PRKG1: variants seen among roughly 807,000 people sequenced by gnomAD.
PRKG1 encodes cGMP-dependent protein kinase 1.
Under a neutral mutation model 88.1 loss-of-function variants are expected in PRKG1, and 35 were observed. The ratio of observed to expected loss-of-function variants is 0.40; its 90% confidence interval spans 0.30 to 0.53. The LOEUF (loss-of-function observed/expected upper bound fraction) is 0.53, where lower values mean the gene tolerates loss of function less well. Ranked by LOEUF, PRKG1 falls within the 20% of genes least tolerant of loss-of-function variation. The pLI, the probability that PRKG1 is intolerant of heterozygous loss-of-function variation, is 0.59. For missense variants in PRKG1, 540 were observed against 839.8 expected (o/e 0.64, Z 4.41); for synonymous variants, 303 against 292.5 (o/e 1.04, Z -0.37).
intron 4 of PRKG1, among the ~76,000 whole-genome samples, chr10:51,844,257 G>T (rs1384510445): frequency 6.6e-6 from 1 of 152,084 alleles, no homozygotes; most frequent in Non-Finnish European, 1.5e-5. Context: ...CGTACTTGAT[G>T]ACTTTAAGGT....
At chr10:51,752,982 T>C (rs1837765155) in intron 3 of PRKG1, among the ~76,000 whole-genome samples, 1 of 152,148 alleles carries the variant, frequency 6.6e-6, no homozygotes, top group Non-Finnish European at 1.5e-5. Context: ...TGTAAAACAC[T>C]AATGTTAAGA....
chr10:52,091,793 A>G (rs1295299488), intron 7 of PRKG1, among the ~76,000 whole-genome samples: 3 of 152,232 alleles, frequency 2.0e-5, no homozygotes, highest in African/African-American at 2.4e-5. Flanking sequence ...CAAAGCATGC[A>G]TTAAAGTGGT....
intron 2 of PRKG1, among the ~76,000 whole-genome samples, chr10:51,243,340 C>A (rs918268217): frequency 6.6e-5 from 10 of 152,134 alleles, no homozygotes; most frequent in Admixed American, 5.9e-4. Context: ...CCACCACTGG[C>A]CTAATGGGAA....
Position 51,100,145 on chromosome 10 carries a change from C to T in PRKG1, c.311+25244C>T, listed in dbSNP as rs567693185. 2.4e-4 allele frequency among the ~76,000 whole-genome samples: 37 copies of T among 152,224 alleles called. 1 individual carries two copies. In the South Asian group the frequency reaches 6.2e-3, roughly 26 times the overall value. Reference sequence around the variant, plus strand: ...CTGGCATTAAGTAGTCCTCCTGCCTCGGCCTCCCAAAGTGCTGTGATTACA... The same window carrying T: ...CTGGCATTAAGTAGTCCTCCTGCCTTGGCCTCCCAAAGTGCTGTGATTACA... On this transcript the variant is annotated intron_variant, in intron 1 of 17. Transcript: ENST00000373980.
rs61849737 is a variant in PRKG1 at position 51,172,664 on chromosome 10, C to G, written c.478+19334C>G. 6.9e-3 allele frequency among the ~76,000 whole-genome samples: 372 copies of G among 53,900 alleles called. 4 individuals carry two copies. Among genetic ancestry groups the G allele is most frequent in the African/African-American group, 0.023 (318 of 13,908 alleles). 35.4% of individuals were successfully genotyped at this position (53,900 alleles called of 152,430 possible). A position where few individuals can be genotyped will look rare whatever the true frequency, so the allele number is the denominator to read the frequency against. ...TGTATGTATGTATCTATCTATCTAT[C>G]TATCTATCTATCTATCTATCTATCT... On this transcript the variant is annotated intron_variant, in intron 2 of 17. Transcript: ENST00000373980.
At chr10:51,862,652 A>G (rs1411290641) in intron 4 of PRKG1, among the ~76,000 whole-genome samples, 7 of 152,028 alleles carry the variant, frequency 4.6e-5, no homozygotes, top group Non-Finnish European at 1.0e-4. Context: ...GGCATCGAGA[A>G]AGGTCCCTGG....
chr10:51,091,528 A>C (rs1197665958), intron 1 of PRKG1, among the ~76,000 whole-genome samples: 1 of 152,198 alleles, frequency 6.6e-6, no homozygotes, highest in Non-Finnish European at 1.5e-5. Context: ...TGGCTTATTC[A>C]ATGAAGTTTA....
chr10:52,015,567 A>G (rs1427377807), intron 5 of PRKG1, among the ~76,000 whole-genome samples: 5 of 152,206 alleles, frequency 3.3e-5, no homozygotes, highest in Non-Finnish European at 7.3e-5. Context: ...TTGGCTCCTC[A>G]TTACTTATGT....
At chr10:51,775,710 G>A (rs961148199) in intron 3 of PRKG1, among the ~76,000 whole-genome samples, 1 of 151,848 alleles carries the variant, frequency 6.6e-6, no homozygotes, top group Non-Finnish European at 1.5e-5. Flanking sequence ...TCAGCCTCCT[G>A]AGTAGCTATG....
At chr10:51,903,740 G>A (rs1314080492) in intron 4 of PRKG1, among the ~76,000 whole-genome samples, 1 of 152,040 alleles carries the variant, frequency 6.6e-6, no homozygotes, top group Non-Finnish European at 1.5e-5. Context: ...AAAGAGTAAA[G>A]TGTTGTTTTG....
At chr10:52,057,753 G>T in intron 6 of PRKG1, among the ~76,000 whole-genome samples, 1 of 152,124 alleles carries the variant, frequency 6.6e-6, no homozygotes, top group South Asian at 2.1e-4. Flanking sequence ...ATTTAAACAT[G>T]CCAATTAAAT....
chr10:51,163,537 G>T (rs899518808), intron 2 of PRKG1, among the ~76,000 whole-genome samples: 1 of 152,128 alleles, frequency 6.6e-6, no homozygotes, highest in Non-Finnish European at 1.5e-5. Context: ...GACAATGGGC[G>T]CAAGACAGTG....
chr10:51,259,634 C>T (rs1308939277), intron 2 of PRKG1, among the ~76,000 whole-genome samples: 4 of 152,198 alleles, frequency 2.6e-5, no homozygotes, highest in East Asian at 1.9e-4. Flanking sequence ...TCACCACGCC[C>T]GTCTAATTTT....
intron 1 of PRKG1, among the ~76,000 whole-genome samples, chr10:51,127,809 G>T (rs1045771217): frequency 6.6e-6 from 1 of 152,134 alleles, no homozygotes; most frequent in Non-Finnish European, 1.5e-5. Context: ...CCCTTTGCAG[G>T]GACATAGATG....
At chr10:51,188,787 T>G (rs1837559786) in intron 2 of PRKG1, among the ~76,000 whole-genome samples, 1 of 151,842 alleles carries the variant, frequency 6.6e-6, no homozygotes, top group South Asian at 2.1e-4. Context: ...CTCAAGGCAA[T>G]GGAACATAGT....
chr10:52,117,910 G>A (rs554715992), intron 7 of PRKG1, among the ~76,000 whole-genome samples: 10 of 151,600 alleles, frequency 6.6e-5, no homozygotes, highest in Non-Finnish European at 1.3e-4. Flanking sequence ...GGGTTTTTTA[G>A]TTATTTTCAA....
chr10:51,101,554 T>C lies in PRKG1; in HGVS notation c.311+26653T>C, dbSNP rs1280766317. Among the ~76,000 whole-genome samples, 3 of 152,174 alleles carry C rather than the reference T, an allele frequency of 2.0e-5. No individual in the cohort carries two copies. In the East Asian group the frequency reaches 5.8e-4, roughly 29 times the overall value. The stretch of plus-strand genomic sequence containing the variant: ...CTTTGAGAAGCTAAAATCCTATCAT[T>C]TTAGTATATGACATGATTTCTAGTT... On this transcript the variant is annotated intron_variant, in intron 1 of 17. Transcript: ENST00000373980.
chr10:52,269,387 T>C (rs1038247475), intron 10 of PRKG1, among the ~76,000 whole-genome samples: 1 of 152,150 alleles, frequency 6.6e-6, no homozygotes, highest in Non-Finnish European at 1.5e-5. Flanking sequence ...GGTCTTTGGC[T>C]GTTAAAAGCA....
intron 3 of PRKG1, among the ~76,000 whole-genome samples, chr10:51,625,734 A>T (rs1044704314): frequency 2.0e-5 from 3 of 152,144 alleles, no homozygotes; most frequent in African/African-American, 7.2e-5. Context: ...AAAAAAAAAA[A>T]AAGAATATAT....
Sources: allele counts gnomAD v4.1 joint callset (sites outside exome capture counted in the v4.1 genomes callset), GRCh38; gene constraint gnomAD v4.1.1; transcripts MANE v1.5; gene names NCBI Gene and HGNC (gene_info 2026-07-23, HGNC 2026-07-21).